Variants in MET observed in about 807,000 individuals in gnomAD.
The protein encoded by MET is hepatocyte growth factor receptor.
Under a neutral mutation model 133.1 loss-of-function variants are expected in MET, and 48 were observed. That is an observed-to-expected ratio of 0.36 (90% confidence interval 0.29 to 0.46). The LOEUF (loss-of-function observed/expected upper bound fraction) is 0.46. MET is among the 20% of genes least tolerant of loss of function. MET has a pLI of 1.00. For missense variants in MET, 1,442 were observed against 1,695.9 expected (o/e 0.85, Z 2.63); for synonymous variants, 628 against 616.5 (o/e 1.02, Z -0.28).
At chr7:116,721,137 A>G (rs796448506) in intron 2 of MET, among the ~76,000 whole-genome samples, 6 of 152,018 alleles carry the variant, frequency 3.9e-5, no homozygotes, top group African/African-American at 1.2e-4. Flanking sequence ...TGGTTGGTAA[A>G]CTATTGATTA....
At chr7:116,748,817 A>T (rs1793801743) in intron 5 of MET, among the ~76,000 whole-genome samples, 1 of 152,236 alleles carries the variant, frequency 6.6e-6, no homozygotes, top group Non-Finnish European at 1.5e-5. Context: ...ATCAGAGAAT[A>T]CTATAAATAT....
intron 5 of MET, among the ~76,000 whole-genome samples, chr7:116,742,284 C>T (rs1005164438): frequency 6.6e-6 from 1 of 152,176 alleles, no homozygotes. Context: ...GTTATTAAGA[C>T]TTAGCTTGAT....
At chr7:116,762,876 A>G (rs1440791383) in intron 10 of MET, among the ~76,000 whole-genome samples, 174 bp from the exon 11 acceptor site, 1 of 152,188 alleles carries the variant, frequency 6.6e-6, no homozygotes, top group Admixed American at 6.5e-5. Context: ...GGTTGTTTGG[A>G]TAATTTTGCA....
chr7:116,724,732 A>C lies in MET; in HGVS notation c.1201-6936A>C, dbSNP rs1300538176. The stretch of plus-strand genomic sequence containing the variant: ...GGAAGCCACCCGGTAGAGCTGGAAG[A>C]GAATTTCGAAATCAATTCGCTCAAC... On this transcript the variant is annotated intron_variant, in intron 2 of 20. Coordinates refer to ENST00000397752, the MANE Select transcript of MET (RefSeq NM_000245.4). 4.1e-6 allele frequency: 4 copies of C among 984,036 alleles called. No individual in the cohort carries two copies. The African/African-American group carries it at 6.7e-5, about 17-fold the overall frequency. 61.0% of individuals were successfully genotyped at this position (984,036 alleles called of 1,614,324 possible).
intron 19 of MET, among the ~76,000 whole-genome samples, chr7:116,792,706 C>T (rs1265041111): frequency 6.6e-6 from 1 of 152,194 alleles, no homozygotes; most frequent in African/African-American, 2.4e-5. Context: ...TTATTGCCCA[C>T]GTCCTTTAAT....
In MET at chr7:116,797,856, T is replaced by G. The variant is rs1449952552; in HGVS notation, c.*1732T>G. On this transcript the variant is annotated 3_prime_UTR_variant, in exon 21 of 21. Coordinates refer to ENST00000397752, the MANE Select transcript of MET (RefSeq NM_000245.4). ...AACCCAGCAAGCTACAAAGAGGGTG[T>G]GTCACACTGAAACTCAATAGTTGAG... The G allele has an allele frequency of 4.4e-6, 1 of 225,212 alleles. No homozygotes were observed. The highest frequency in any genetic ancestry group is 8.8e-6 in the Non-Finnish European group (1 of 113,032). 14.0% of individuals were successfully genotyped at this position (225,212 alleles called of 1,614,324 possible).
rs2116590231 is a variant in MET, at chr7:116,699,576, A to G, written c.492A>G (p.Pro164=). The G allele has an allele frequency of 6.2e-7, 1 of 1,613,924 alleles. No homozygotes were observed. Among genetic ancestry groups the G allele is most frequent in the Non-Finnish European group, 8.5e-7 (1 of 1,179,928 alleles). Residue 164 remains proline (P), a synonymous_variant, in exon 2 of 21, where the codon CCA becomes CCG. Coordinates refer to ENST00000397752, the MANE Select transcript of MET (RefSeq NM_000245.4). ...IQSEVHCIFS[P]QIEEPSQCPD... is the part of the protein sequence containing the mutation. Reference sequence around the variant, plus strand: ...CGGAGGTTCACTGCATATTCTCCCCACAGATAGAAGAGCCCAGCCAGTGTC... The same window carrying G: ...CGGAGGTTCACTGCATATTCTCCCCGCAGATAGAAGAGCCCAGCCAGTGTC...
At chr7:116,773,883 C>A (rs1194340293) in intron 14 of MET, among the ~76,000 whole-genome samples, 4 of 152,138 alleles carry the variant, frequency 2.6e-5, no homozygotes, top group African/African-American at 9.7e-5. Context: ...TCTTTTTATG[C>A]CCTTCTCTCA....
At chr7:116,759,597 A>G (rs1161081035) in intron 10 of MET, 107 bp downstream of exon 10, 1 of 1,294,126 alleles carries the variant, frequency 7.7e-7, no homozygotes. Flanking sequence ...AAGGTTTGCT[A>G]GTTAATTTCC....
At chr7:116,746,172 T>A (rs1793673073) in intron 5 of MET, among the ~76,000 whole-genome samples, 1 of 152,140 alleles carries the variant, frequency 6.6e-6, no homozygotes, top group African/African-American at 2.4e-5. Flanking sequence ...AAAAGACACA[T>A]GAAAAAATGC....
At chr7:116,689,347 G>T (rs58131984) in intron 1 of MET, among the ~76,000 whole-genome samples, 36,738 of 151,836 alleles carry the variant, frequency 0.24, 4,541 homozygotes, top group East Asian at 0.34. Flanking sequence ...AAATAGATTT[G>T]GCCCAAATCT....
intron 10 of MET, among the ~76,000 whole-genome samples, chr7:116,762,820 A>C (rs900015366): frequency 4.6e-5 from 7 of 152,156 alleles, no homozygotes; most frequent in Non-Finnish European, 7.4e-5. Context: ...ATAGATCAGC[A>C]CAGTTTATGC....
intron 2 of MET, among the ~76,000 whole-genome samples, chr7:116,729,626 A>G (rs1222144296): frequency 6.6e-6 from 1 of 152,158 alleles, no homozygotes; most frequent in Non-Finnish European, 1.5e-5. Flanking sequence ...AGATGTAATG[A>G]AATTTGCTCT....
chr7:116,774,816 C>T (rs2117028750), intron 14 of MET, 65 bp from the exon 15 acceptor site: 5 of 1,239,188 alleles, frequency 4.0e-6, no homozygotes, highest in South Asian at 3.6e-5. Context: ...AAAGCTCTTC[C>T]TGTTTCAGTC....
intron 19 of MET, among the ~76,000 whole-genome samples, chr7:116,788,868 C>G (rs1482189818): frequency 6.6e-6 from 1 of 152,194 alleles, no homozygotes; most frequent in Non-Finnish European, 1.5e-5. Flanking sequence ...TGGCTAAAAT[C>G]TGAATACTCT....
In MET at chr7:116,672,253, C is replaced by T. The variant is rs1015443914; in HGVS notation, c.-339C>T. 12 of 165,794 alleles carry T rather than the reference C, an allele frequency of 7.2e-5. No homozygotes were observed. Among genetic ancestry groups the T allele is most frequent in the Non-Finnish European group, 1.2e-4 (9 of 77,800 alleles). The allele number at this position is 165,794 out of a possible 1,614,324, so 10.3% of individuals were successfully genotyped here. A position where few individuals can be genotyped will look rare whatever the true frequency, so the allele number is the denominator to read the frequency against. ...CAGTCTGGTCGCCTGGCGGTGCCTC[C>T]GGCCCCAACGCGCCCGGGCCGCCGC... is the stretch of plus-strand genomic sequence containing the variant. On this transcript the variant is annotated 5_prime_UTR_variant, in exon 1 of 21. Transcript: ENST00000397752.
At chr7:116,685,734 T>C (rs540186017) in intron 1 of MET, among the ~76,000 whole-genome samples, 3 of 152,200 alleles carry the variant, frequency 2.0e-5, no homozygotes, top group African/African-American at 4.8e-5. Flanking sequence ...ACTACATTCC[T>C]GGTCTCCTCA....
chr7:116,726,256 C>G (rs1048455667), intron 2 of MET, among the ~76,000 whole-genome samples: 1 of 133,852 alleles, frequency 7.5e-6, no homozygotes, highest in Non-Finnish European at 1.6e-5. Flanking sequence ...CCTGAATATC[C>G]CATCCTAGCA....
intron 1 of MET, among the ~76,000 whole-genome samples, chr7:116,694,571 A>G (rs940361468): frequency 6.6e-6 from 1 of 152,056 alleles, no homozygotes; most frequent in Admixed American, 6.6e-5. Context: ...ACATGTGTAC[A>G]TTTTCTTGGA....
Sources: gnomAD v4.1 joint callset for allele counts (sites outside exome capture counted in the v4.1 genomes callset) on GRCh38, gnomAD v4.1.1 for gene constraint, MANE v1.5 for transcripts, NCBI Gene and HGNC (gene_info 2026-07-23, HGNC 2026-07-21) for gene names.